KAZN: variants seen among roughly 807,000 people sequenced by gnomAD.
The protein encoded by KAZN is kazrin.
Under a neutral mutation model 87.4 loss-of-function variants are expected in KAZN, and 40 were observed. The ratio of observed to expected loss-of-function variants is 0.46; its 90% CI spans 0.36 to 0.60. KAZN has a LOEUF of 0.60. KAZN is among the 20% of genes least tolerant of loss of function. The pLI, the probability that KAZN is intolerant of heterozygous loss-of-function variation, is 0.00. For synonymous variants in KAZN, 466 were observed against 458.3 expected, an observed-to-expected ratio of 1.02 and a Z score of -0.22; for missense variants, 898 against 1,073.9, an observed-to-expected ratio of 0.84 and a Z score of 2.29.
In KAZN at chr1:14,566,291, G is replaced by C. The variant is rs957496713; in HGVS notation, c.250-32692G>C. On this transcript the variant is annotated intron_variant, in intron 2 of 16. Transcript: ENST00000636203. The stretch of plus-strand genomic sequence containing the variant: ...CCTTGTCAACGACCAGTAATATTTT[G>C]AGAGAATCTTTTTTTCTAAGCAGTA... 2.0e-5 allele frequency among the ~76,000 whole-genome samples: 3 copies of C among 152,180 alleles called. No homozygotes were observed. The South Asian group carries it at 6.2e-4, about 32-fold the overall frequency.
rs182705816 is a variant in KAZN at position 14,593,245 on chromosome 1, G to C, written c.250-5738G>C. Among the ~76,000 whole-genome samples, 4 of 152,332 alleles carry C rather than the reference G, an allele frequency of 2.6e-5. No individual in the cohort carries two copies. The East Asian group carries it at 7.7e-4, about 29-fold the overall frequency. On this transcript the variant is annotated intron_variant, in intron 2 of 16. Transcript: ENST00000636203. The stretch of plus-strand genomic sequence containing the variant: ...ATGAATATGAGAAGGGTTTTAATGA[G>C]AGTAGCGAGAATATTTGTGGATATG...
At chr1:14,219,016 A>G (rs150397566) in intron 2 of KAZN, among the ~76,000 whole-genome samples, 3 of 152,276 alleles carry the variant, frequency 2.0e-5, no homozygotes, top group African/African-American at 7.2e-5. Flanking sequence ...AAACCCAATG[A>G]TCAATCCAGT....
chr1:15,083,453 C>T (rs144902130), intron 8 of KAZN, among the ~76,000 whole-genome samples: 8 of 152,322 alleles, frequency 5.3e-5, no homozygotes, highest in African/African-American at 1.9e-4. Context: ...CCTTCCATCC[C>T]GCCTTTCCAT....
intron 1 of KAZN, among the ~76,000 whole-genome samples, chr1:14,642,133 C>T (rs886586685): frequency 1.3e-5 from 2 of 152,222 alleles, no homozygotes; most frequent in Non-Finnish European, 2.9e-5. Context: ...GGCATGGTGG[C>T]TTAAGCCTGT....
chr1:14,159,949 TG>T (rs1369789302), intron 1 of KAZN, among the ~76,000 whole-genome samples: 4 of 152,172 alleles, frequency 2.6e-5, no homozygotes, highest in African/African-American at 9.6e-5. Flanking sequence ...GTACCTTATT[TG>T]CTGTGGCTGA....
intron 1 of KAZN, among the ~76,000 whole-genome samples, chr1:14,851,361 G>A (rs982564937): frequency 2.3e-4 from 35 of 152,306 alleles, no homozygotes; most frequent in African/African-American, 8.2e-4. Context: ...CTGCGGTGGT[G>A]GGGACACCCA....
In KAZN at chr1:15,101,704, C is replaced by G. The variant is rs958616616; in HGVS notation, c.1709C>G (p.Ser570Cys). Reference protein sequence around the residue: ...KRDLEKHLNVSKKFHQVSILL... With the variant: ...KRDLEKHLNVCKKFHQVSILL... Reference sequence around the variant, plus strand: ...GACCTGGAGAAGCACCTGAACGTGTCCAAGAAGTTCCACCAGGTCAGCATC... The same window carrying G: ...GACCTGGAGAAGCACCTGAACGTGTGCAAGAAGTTCCACCAGGTCAGCATC... Residue 570 changes from serine (S) to cysteine (C), a missense_variant, in exon 11 of 15, where the codon TCC becomes TGC. Physicochemically the swap from Ser to Cys is moderately radical, Grantham distance 112. This residue lies in a region of KAZN where 521 missense variants were observed against 689.4 expected (regional missense o/e 0.76). Coordinates refer to ENST00000376030, the MANE Select transcript of KAZN (RefSeq NM_201628.3). 3 of 1,595,458 alleles carry G rather than the reference C, an allele frequency of 1.9e-6. No individual in the cohort carries two copies. The highest frequency in any genetic ancestry group is 1.7e-6 in the Non-Finnish European group (2 of 1,170,810).
chr1:13,896,718 A>G (rs1639059759), intron 1 of KAZN, among the ~76,000 whole-genome samples: 1 of 152,350 alleles, frequency 6.6e-6, no homozygotes, highest in South Asian at 2.1e-4. Flanking sequence ...CTTTGCCTTT[A>G]ACCTCTAAAT....
intron 13 of KAZN, among the ~76,000 whole-genome samples, chr1:15,110,987 G>A (rs1178501950): frequency 6.6e-6 from 1 of 152,206 alleles, no homozygotes; most frequent in African/African-American, 2.4e-5. Context: ...TTTGGCTTCT[G>A]CAATTACAGC....
chr1:14,477,591 G>A (rs554357006), intron 2 of KAZN, among the ~76,000 whole-genome samples: 3 of 152,192 alleles, frequency 2.0e-5, no homozygotes, highest in Admixed American at 2.0e-4. Context: ...GGGGCTGCCA[G>A]CCACTTGGTT....
intron 2 of KAZN, among the ~76,000 whole-genome samples, chr1:14,247,146 G>T (rs1233686001): frequency 6.6e-6 from 1 of 152,074 alleles, no homozygotes; most frequent in African/African-American, 2.4e-5. Flanking sequence ...AAAAGGCAAG[G>T]TCTTAGAAGA....
In KAZN at chr1:14,568,167, A is replaced by G. The variant is rs542999400; in HGVS notation, c.250-30816A>G. Among the ~76,000 whole-genome samples the G allele has an allele frequency of 2.0e-5, 3 of 152,174 alleles. No individual in the cohort carries two copies. In the South Asian group the frequency reaches 6.2e-4, roughly 31 times the overall value. On this transcript the variant is annotated intron_variant, in intron 2 of 16. Coordinates refer to the KAZN transcript ENST00000636203. ...TCCCTGAAGGAAGAGAATCCGTGCAAAAGAGGTCCTCCTCCTGGCCTTGAG... is the reference window on the plus strand; with the variant it reads ...TCCCTGAAGGAAGAGAATCCGTGCAGAAGAGGTCCTCCTCCTGGCCTTGAG...
At chr1:14,112,570 G>A (rs182944441) in intron 1 of KAZN, among the ~76,000 whole-genome samples, 7 of 152,282 alleles carry the variant, frequency 4.6e-5, no homozygotes, top group East Asian at 1.9e-4. Context: ...ATTCAGTGTC[G>A]GTGTAGGGGG....
intron 2 of KAZN, among the ~76,000 whole-genome samples, chr1:14,215,776 A>C (rs1046302249): frequency 6.6e-6 from 1 of 152,198 alleles, no homozygotes; most frequent in Non-Finnish European, 1.5e-5. Flanking sequence ...GATAGGCTCT[A>C]ATCTATGTAA....
rs10927633 is a variant in KAZN at position 15,021,158 on chromosome 1, G to C, written c.419-13591G>C. 0.68 allele frequency among the ~76,000 whole-genome samples: 103,295 copies of C among 151,944 alleles called. 35,934 individuals carry two copies. The highest frequency in any genetic ancestry group is 0.79 in the Admixed American group (12,056 of 15,264). ...ACACAGCATGCGGGTTTGCACCCCAGTGTCCTGCCTCCCTGTCCACCGGCC... is the reference window on the plus strand; with the variant it reads ...ACACAGCATGCGGGTTTGCACCCCACTGTCCTGCCTCCCTGTCCACCGGCC... On this transcript the variant is annotated intron_variant, in intron 2 of 14. Transcript: ENST00000376030. The surrounding 1 kb of genome is among the most constrained non-coding windows in gnomAD (Gnocchi z 4.2).
intron 2 of KAZN, among the ~76,000 whole-genome samples, chr1:14,376,022 G>A (rs17396659): frequency 0.22 from 33,609 of 152,090 alleles, 4,332 homozygotes; most frequent in Middle Eastern, 0.34. Context: ...CCCTGGCCTC[G>A]CATGACTTTG....
chr1:14,164,804 G>T lies in KAZN; in HGVS notation c.92-15631G>T, dbSNP rs937399860. 2.0e-5 allele frequency among the ~76,000 whole-genome samples: 3 copies of T among 152,108 alleles called. No homozygotes were observed. The East Asian group carries it at 5.8e-4, about 29-fold the overall frequency. On this transcript the variant is annotated intron_variant, in intron 1 of 16. Transcript: ENST00000636203. Reference sequence around the variant, plus strand: ...TCCGCCTGCCTCGGCCTCCCAAAGTGCTGGGATTACAGGCATGAGCCACCG... The same window carrying T: ...TCCGCCTGCCTCGGCCTCCCAAAGTTCTGGGATTACAGGCATGAGCCACCG...
intron 2 of KAZN, among the ~76,000 whole-genome samples, chr1:14,253,701 T>A (rs1650252599): frequency 6.6e-6 from 1 of 152,078 alleles, no homozygotes; most frequent in Non-Finnish European, 1.5e-5. Context: ...GAACTGAGAC[T>A]TTCTACTGCC....
chr1:14,790,992 C>T (rs548521214), intron 1 of KAZN, among the ~76,000 whole-genome samples: 177 of 152,276 alleles, frequency 1.2e-3, no homozygotes, highest in Non-Finnish European at 1.6e-3. Context: ...GCACCGGCCC[C>T]CGCTGGCTTC....
Sources: gnomAD v4.1 joint callset for allele counts (sites outside exome capture counted in the v4.1 genomes callset) on GRCh38, gnomAD v4.1.1 for gene constraint, gnomAD v4.1.1 regional missense constraint, Gnocchi (gnomAD v3.1) non-coding constraint, MANE v1.5 for transcripts, NCBI Gene and HGNC (gene_info 2026-07-23, HGNC 2026-07-21) for gene names.